LRP6: variants seen among roughly 807,000 people sequenced by gnomAD.
LRP6 encodes the protein low-density lipoprotein receptor-related protein 6.
LRP6 carries 43 observed loss-of-function variants against 184.1 expected under a neutral mutation model. The observed-to-expected ratio is 0.23, with a 90% CI of 0.18 to 0.30. The LOEUF is 0.30. Ranked by LOEUF, LRP6 falls within the 10% of genes least tolerant of loss-of-function variation. The pLI is 1.00. For synonymous variants in LRP6, 719 were observed against 684.9 expected (o/e 1.05, Z -0.78); for missense variants, 1,571 against 2,005.3 (o/e 0.78, Z 4.14).
chr12:12,179,915 G>C lies in LRP6; in HGVS notation c.1440C>G (p.Asp480Glu). The change falls in exon 7 of 23, where the codon GAC (aspartate) becomes GAG (glutamate). Residue 480 changes from aspartate (D) to glutamate (E), a missense_variant. Physicochemically the swap from Asp to Glu is conservative, Grantham distance 45. This residue lies in a region of LRP6 where 640 missense variants were observed against 851.9 expected (regional missense o/e 0.75). Coordinates refer to ENST00000261349, the MANE Select transcript of LRP6 (RefSeq NM_002336.3). The stretch of plus-strand genomic sequence containing the variant: ...GAGAAGTGTTAACCAATACTACACG[G>C]TCAGAACCATCCAGAGCTGCTCGCT... Reference protein sequence around the residue: ...KIERAALDGSDRVVLVNTSLG... With the variant: ...KIERAALDGSERVVLVNTSLG... 6.2e-7 allele frequency: 1 copy of C among 1,613,954 alleles called. No homozygotes were observed. The highest frequency in any genetic ancestry group is 1.3e-5 in the African/African-American group (1 of 75,038).
At chr12:12,212,879 G>A (rs1405530806) in intron 2 of LRP6, among the ~76,000 whole-genome samples, 1 of 152,170 alleles carries the variant, frequency 6.6e-6, no homozygotes. Flanking sequence ...TCTTGGTCTT[G>A]AGAATTAGAA....
At chr12:12,181,540 A>G (rs750039151) in intron 5 of LRP6, 101 bp from the exon 6 acceptor site, 11 of 727,314 alleles carry the variant, frequency 1.5e-5, no homozygotes, top group Non-Finnish European at 2.4e-5. Flanking sequence ...TATAAAATAT[A>G]CATAAATTAA....
At chr12:12,235,224 C>T (rs918244675) in intron 2 of LRP6, among the ~76,000 whole-genome samples, 1 of 152,138 alleles carries the variant, frequency 6.6e-6, no homozygotes, top group Non-Finnish European at 1.5e-5. Flanking sequence ...TAATGAGAGC[C>T]AGGTTTCTCA....
At chr12:12,164,200 G>C in intron 9 of LRP6, 73 bp downstream of exon 9, 1 of 1,375,930 alleles carries the variant, frequency 7.3e-7, no homozygotes. Context: ...GTGGGTCACA[G>C]CATGAAGATT....
Position 12,149,076 on chromosome 12 carries a change from G to A in LRP6, c.3072C>T (p.Tyr1024=), listed in dbSNP as rs757787654. 6 of 1,614,052 alleles carry A rather than the reference G, an allele frequency of 3.7e-6. No homozygotes were observed. In the East Asian group the frequency reaches 1.1e-4, roughly 30 times the overall value. The stretch of plus-strand genomic sequence containing the variant: ...CACAAGTCCAGTAGATGTAGCGGCT[G>A]TAAATATCAATGCTGAGGTCATAGG... ...IQPYDLSIDI[Y]SRYIYWTCEA... The change falls in exon 14 of 23, where the codon TAC becomes TAT. Residue 1024 remains tyrosine (Y), a synonymous_variant. Coordinates refer to ENST00000261349, the MANE Select transcript of LRP6 (RefSeq NM_002336.3).
At chr12:12,139,163 T>C (rs935840043) in intron 15 of LRP6, among the ~76,000 whole-genome samples, 1 of 152,190 alleles carries the variant, frequency 6.6e-6, no homozygotes, top group African/African-American at 2.4e-5. Context: ...TCATTCCTTC[T>C]TTTTCATAAC....
At chr12:12,125,262 G>C in intron 21 of LRP6, 34 bp downstream of exon 21, 1 of 1,611,618 alleles carries the variant, frequency 6.2e-7, no homozygotes. Context: ...AAGATCTTAT[G>C]TATGTCGCAT....
chr12:12,148,811 A>G lies in LRP6; in HGVS notation c.3206+131T>C, dbSNP rs1381651388. On this transcript the variant is annotated intron_variant, in intron 14 of 22. Coordinates refer to ENST00000261349, the MANE Select transcript of LRP6 (RefSeq NM_002336.3). ...ACAACTGTTAAGATAATGCAGAAAC[A>G]AACTGATAGAGAATATTGAATTGTT... 3.8e-6 allele frequency: 3 copies of G among 780,376 alleles called. No homozygotes were observed. In the African/African-American group the frequency reaches 5.1e-5, roughly 13 times the overall value. The allele number at this position is 780,376 out of a possible 1,614,324, so 48.3% of individuals were successfully genotyped here. A position where few individuals can be genotyped will look rare whatever the true frequency, so the allele number is the denominator to read the frequency against.
At chr12:12,161,766 G>C (rs1565581726) in intron 10 of LRP6, among the ~76,000 whole-genome samples, 2 of 151,622 alleles carry the variant, frequency 1.3e-5, no homozygotes, top group Non-Finnish European at 2.9e-5. Flanking sequence ...TATCCATTTT[G>C]AATTAATAAA....
intron 12 of LRP6, among the ~76,000 whole-genome samples, chr12:12,153,661 G>C (rs1316815448): frequency 6.6e-6 from 1 of 152,148 alleles, no homozygotes; most frequent in African/African-American, 2.4e-5. Context: ...CAAAGAATAT[G>C]CCATTTTAAA....
chr12:12,242,856 T>C (rs1056412368), intron 2 of LRP6, among the ~76,000 whole-genome samples: 20 of 152,054 alleles, frequency 1.3e-4, no homozygotes, highest in African/African-American at 4.8e-4. Context: ...AGTCTTCTCA[T>C]TTTTCTACAA....
At chr12:12,240,106 T>C (rs1865025534) in intron 2 of LRP6, among the ~76,000 whole-genome samples, 2 of 152,072 alleles carry the variant, frequency 1.3e-5, no homozygotes, top group South Asian at 2.1e-4. Context: ...CTGATTCATA[T>C]GCCATTCAAG....
At chr12:12,201,007 C>T (rs549839706) in intron 3 of LRP6, among the ~76,000 whole-genome samples, 1 of 152,208 alleles carries the variant, frequency 6.6e-6, no homozygotes, top group African/African-American at 2.4e-5. Context: ...TTTCTCTTGT[C>T]TACGTAAAAT....
chr12:12,177,684 G>A (rs1019850077), intron 7 of LRP6, among the ~76,000 whole-genome samples: 1 of 152,118 alleles, frequency 6.6e-6, no homozygotes, highest in African/African-American at 2.4e-5. Flanking sequence ...TCCTAATAGT[G>A]AATTAGGACA....
intron 15 of LRP6, among the ~76,000 whole-genome samples, chr12:12,140,605 CTTT>C (rs145009698): frequency 7.3e-5 from 10 of 137,928 alleles, no homozygotes; most frequent in Non-Finnish European, 7.9e-5. Flanking sequence ...TTTTAAAAAT[CTTT>C]TTTTTTTTTT....
chr12:12,134,235 A>T (rs1002936707), intron 17 of LRP6, among the ~76,000 whole-genome samples: 7 of 152,148 alleles, frequency 4.6e-5, no homozygotes, highest in African/African-American at 1.7e-4. Flanking sequence ...TGTACTTGTC[A>T]TTTTGGCAAC....
At chr12:12,131,096 C>CGTTTTTTTTTTTTTTTTTTT (rs1949746766) in intron 18 of LRP6, among the ~76,000 whole-genome samples, 1 of 105,350 alleles carries the variant, frequency 9.5e-6, no homozygotes, top group Non-Finnish European at 2.0e-5. Flanking sequence ...AATTTCCTAA[C>CGTTTTTTTTTTTTTTTTTTT]ATTTTTTTTT....
At chr12:12,229,381 AAAAAAAGAAGAAG>A (rs1402529074) in intron 2 of LRP6, among the ~76,000 whole-genome samples, 10 of 144,702 alleles carry the variant, frequency 6.9e-5, no homozygotes, top group South Asian at 4.8e-4. Flanking sequence ...AAAAAAAAAA[AAAAAAAGAAGAAG>A]AAGAAGAATA....
intron 2 of LRP6, among the ~76,000 whole-genome samples, chr12:12,225,073 C>T (rs1289176290): frequency 1.3e-5 from 2 of 152,064 alleles, no homozygotes; most frequent in East Asian, 1.9e-4. Flanking sequence ...GTTGTGGTGG[C>T]AGGCACCTGT....
Sources: allele counts gnomAD v4.1 joint callset (sites outside exome capture counted in the v4.1 genomes callset), GRCh38; gene constraint gnomAD v4.1.1; regional missense constraint gnomAD v4.1.1; transcripts MANE v1.5; gene names NCBI Gene and HGNC (gene_info 2026-07-23, HGNC 2026-07-21).